EHMT1: variants seen among roughly 807,000 people sequenced by gnomAD.
EHMT1 encodes euchromatic histone lysine methyltransferase 1.
In EHMT1, 15 loss-of-function variants were observed where a neutral mutation model predicts 147.2. The ratio of observed to expected loss-of-function variants is 0.10; its 90% CI spans 0.07 to 0.16. EHMT1 has a LOEUF of 0.16. EHMT1 is among the 10% of genes least tolerant of loss of function. The pLI is 1.00. For missense variants in EHMT1, 1,587 were observed against 1,772.4 expected (o/e 0.90, Z 1.88); for synonymous variants, 795 against 709.6 (o/e 1.12, Z -1.91).
intron 15 of EHMT1, 128 bp from the exon 16 acceptor site, chr9:137,790,720 T>G: frequency 8.4e-6 from 11 of 1,314,532 alleles, no homozygotes; most frequent in Non-Finnish European, 1.2e-5. Flanking sequence ...TTTAGAAAAC[T>G]CAGACATTGT....
At chr9:137,748,491 G>C (rs751629275) in intron 6 of EHMT1, among the ~76,000 whole-genome samples, 65 of 152,090 alleles carry the variant, frequency 4.3e-4, no homozygotes, top group Non-Finnish European at 8.2e-4. Flanking sequence ...GTTGCCCCAG[G>C]TACCCACTGG....
chr9:137,702,165 T>A (rs142800187), intron 1 of EHMT1, among the ~76,000 whole-genome samples: 1 of 152,244 alleles, frequency 6.6e-6, no homozygotes, highest in East Asian at 1.9e-4. Flanking sequence ...CCTGACCTCA[T>A]GATCCACCCA....
chr9:137,716,855 G>C lies in EHMT1; in HGVS notation c.315G>C (p.Lys105Asn), dbSNP rs772079296. 1 of 1,613,306 alleles carries C rather than the reference G, an allele frequency of 6.2e-7. No individual in the cohort carries two copies. The highest frequency in any genetic ancestry group is 1.1e-5 in the South Asian group (1 of 91,090). Residue 105 changes from lysine to asparagine, a missense_variant, in exon 3 of 27, where the codon AAG becomes AAC. Physicochemically the swap from Lys to Asn is moderately conservative, Grantham distance 94. This residue lies in a region of EHMT1 where 810 missense variants were observed against 673.0 expected (regional missense o/e 1.20). Transcript: ENST00000460843. Reference protein sequence around the residue: ...GVSERDSEAAKQNHVTADDFV... With the variant: ...GVSERDSEAANQNHVTADDFV... ...CAGAAAGAGACTCAGAAGCGGCGAA[G>C]CAAAACCACGTCACTGCCGACGACT... is the stretch of plus-strand genomic sequence containing the variant.
chr9:137,797,508 G>A (rs1368469157), intron 16 of EHMT1, among the ~76,000 whole-genome samples: 1 of 152,152 alleles, frequency 6.6e-6, no homozygotes. Flanking sequence ...CCTGAATTCT[G>A]TGACAGTCTG....
intron 4 of EHMT1, among the ~76,000 whole-genome samples, chr9:137,734,389 A>T (rs1412378294): frequency 2.0e-5 from 3 of 152,250 alleles, no homozygotes; most frequent in Admixed American, 1.3e-4. Context: ...ATCTGAACAG[A>T]CGGAAGAAAG....
chr9:137,790,150 A>G (rs1952412415), intron 15 of EHMT1, among the ~76,000 whole-genome samples: 1 of 152,252 alleles, frequency 6.6e-6, no homozygotes, highest in Admixed American at 6.5e-5. Context: ...TAGTAAAAAC[A>G]ATACTATTTT....
At chr9:137,831,510 C>T (rs1217242719) in intron 25 of EHMT1, among the ~76,000 whole-genome samples, 2 of 152,256 alleles carry the variant, frequency 1.3e-5, no homozygotes, top group Non-Finnish European at 2.9e-5. Context: ...TGTTCATCCA[C>T]CCAGTGATGG....
intron 1 of EHMT1, 63 bp downstream of exon 1, chr9:137,619,112 GGGCGAAGAACCGGGCGGGGCGGC>G (rs1842778397): frequency 1.8e-6 from 1 of 560,080 alleles, no homozygotes; most frequent in Admixed American, 6.6e-5. Flanking sequence ...GGCGGCGCGG[GGGCGAAGAACCGGGCGGGGCGGC>G]GGCAGGCGGC....
At chr9:137,762,955 A>T in intron 10 of EHMT1, 135 bp downstream of exon 10, 1 of 1,157,028 alleles carries the variant, frequency 8.6e-7, no homozygotes, top group Middle Eastern at 2.7e-4. Flanking sequence ...TTCTGCGCAG[A>T]ACCAATCGAG....
chr9:137,738,732 G>T (rs1325730509), intron 4 of EHMT1: 4 of 152,184 alleles, frequency 2.6e-5, no homozygotes, highest in Admixed American at 2.0e-4. Context: ...CGAAGCTGGG[G>T]CCCGCGCTGC....
At chr9:137,621,585 C>G (rs1842940243) in intron 1 of EHMT1, among the ~76,000 whole-genome samples, 1 of 151,872 alleles carries the variant, frequency 6.6e-6, no homozygotes, top group Admixed American at 6.6e-5. Flanking sequence ...GTAATTGCAG[C>G]CTGGGCAACG....
intron 1 of EHMT1, among the ~76,000 whole-genome samples, chr9:137,664,440 A>G (rs994904432): frequency 1.3e-5 from 2 of 151,940 alleles, no homozygotes; most frequent in Non-Finnish European, 2.9e-5. Context: ...TTGTATTTTT[A>G]GTAGAGACTG....
At chr9:137,639,185 A>C (rs1844302723) in intron 1 of EHMT1, among the ~76,000 whole-genome samples, 1 of 152,064 alleles carries the variant, frequency 6.6e-6, no homozygotes, top group Non-Finnish European at 1.5e-5. Flanking sequence ...CTGTATGGTC[A>C]GAATTATACT....
chr9:137,707,666 T>C (rs1361260587), intron 1 of EHMT1, among the ~76,000 whole-genome samples: 2 of 152,252 alleles, frequency 1.3e-5, no homozygotes, highest in Non-Finnish European at 2.9e-5. Context: ...GTGTGTTACA[T>C]AGCATTCTTA....
In EHMT1 at chr9:137,817,492, T is replaced by C; in HGVS notation, c.3428T>C (p.Leu1143Pro). The C allele has an allele frequency of 6.2e-7, 1 of 1,614,226 alleles. No individual in the cohort carries two copies. Among genetic ancestry groups the C allele is most frequent in the Non-Finnish European group, 8.5e-7 (1 of 1,180,032 alleles). ...GACATGGGCTGGGGCGTGCGGTCCC[T>C]GCAGGACATCCCACCAGGCACCTTT... ...TRDMGWGVRS[L>P]QDIPPGTFVC... is the part of the protein sequence containing the mutation. The change falls in exon 24 of 27, where the codon CTG (leucine) becomes CCG (proline). Residue 1143 changes from leucine (L) to proline (P), a missense_variant. By Grantham distance (98) the Leu-to-Pro change is moderately conservative. Transcript: ENST00000460843.
chr9:137,629,881 GA>G (rs1843515542), intron 1 of EHMT1, among the ~76,000 whole-genome samples: 1 of 152,148 alleles, frequency 6.6e-6, no homozygotes, highest in Non-Finnish European at 1.5e-5. Flanking sequence ...GTATGATATA[GA>G]AAGCATTACT....
Position 137,790,974 on chromosome 9 carries a change from T to G in EHMT1, c.2505+4T>G. ...TGGGGCCCTGGTGGATCCCAAGGTA[T>G]GTTCCCCTGTCAGAATCAACGTCCT... On this transcript the variant is annotated splice_donor_region_variant and intron_variant, in intron 16 of 26. Transcript: ENST00000460843. 6.2e-7 allele frequency: 1 copy of G among 1,614,220 alleles called. No individual in the cohort carries two copies. Among genetic ancestry groups the G allele is most frequent in the Non-Finnish European group, 8.5e-7 (1 of 1,180,044 alleles).
At position 137,731,737 on chromosome 9, in the gene EHMT1, C is replaced by T. The variant is rs1029968063; in HGVS notation, c.823+3208C>T. 2.6e-5 allele frequency among the ~76,000 whole-genome samples: 4 copies of T among 152,098 alleles called. No homozygotes were observed. Among genetic ancestry groups the T allele is most frequent in the African/African-American group, 7.2e-5 (3 of 41,422 alleles). ...GCAGGCTGTACTTGGCTCATGCTAC[C>T]GGCCCAGATCCCACACCTTCCGAGG... On this transcript the variant is annotated intron_variant, in intron 4 of 26. Coordinates refer to ENST00000460843, the MANE Select transcript of EHMT1 (RefSeq NM_024757.5). This position sits in a 1 kb window ranked among gnomAD's most constrained non-coding sequence, Gnocchi z 4.3.
chr9:137,810,703 T>TG (rs1954402466), intron 18 of EHMT1, among the ~76,000 whole-genome samples: 1 of 150,558 alleles, frequency 6.6e-6, no homozygotes, highest in African/African-American at 2.5e-5. Flanking sequence ...TAAAATTTTT[T>TG]GTTTTTTTTT....
Sources: allele counts gnomAD v4.1 joint callset (sites outside exome capture counted in the v4.1 genomes callset), GRCh38; gene constraint gnomAD v4.1.1; regional missense constraint gnomAD v4.1.1; non-coding constraint Gnocchi (gnomAD v3.1); transcripts MANE v1.5; gene names NCBI Gene and HGNC (gene_info 2026-07-23, HGNC 2026-07-21).